The following DYNAP variants were observed in gnomAD, a reference collection of about 807,000 sequenced individuals.
DYNAP encodes the protein dynactin associated protein.
Under a neutral mutation model 8.5 loss-of-function variants are expected in DYNAP, and 7 were observed. The ratio of observed to expected loss-of-function variants is 0.82; its 90% confidence interval spans 0.47 to 1.54. DYNAP has a LOEUF of 1.54. Ranked by LOEUF, DYNAP falls within the 40% of genes most tolerant of loss-of-function variation. DYNAP has a pLI of 0.01. For synonymous variants in DYNAP, 77 were observed against 77.9 expected, an observed-to-expected ratio of 0.99 and a Z score of 0.06; for missense variants, 256 against 224.3, an observed-to-expected ratio of 1.14 and a Z score of -0.90.
At chr18:54,594,197 A>G (rs1034452148) in intron 1 of DYNAP, among the ~76,000 whole-genome samples, 3 of 151,964 alleles carry the variant, frequency 2.0e-5, no homozygotes, top group African/African-American at 7.3e-5. Flanking sequence ...GAGAGTGGAG[A>G]CCTGTATTGT....
chr18:54,590,924 T>G (rs1187573134), upstream of DYNAP, among the ~76,000 whole-genome samples: 1 of 152,078 alleles, frequency 6.6e-6, no homozygotes, highest in Non-Finnish European at 1.5e-5. Context: ...AATGATACAT[T>G]TCTATCTCAG....
At chr18:54,597,094 C>T (rs1206338140) in intron 2 of DYNAP, among the ~76,000 whole-genome samples, 1 of 152,032 alleles carries the variant, frequency 6.6e-6, no homozygotes, top group African/African-American at 2.4e-5. Flanking sequence ...ACTCCAAAGC[C>T]CTTGTTTCTA....
upstream of DYNAP, among the ~76,000 whole-genome samples, chr18:54,583,338 C>A (rs964548939): frequency 2.0e-5 from 3 of 152,164 alleles, no homozygotes; most frequent in African/African-American, 7.2e-5. Context: ...TCTGTTGAAG[C>A]TTGTGTATGT....
rs150050716 is a variant in DYNAP, at chr18:54,593,320, G to A, written c.58-1619G>A. Among the ~76,000 whole-genome samples, 232 of 152,166 alleles carry A rather than the reference G, an allele frequency of 1.5e-3. 2 individuals are homozygous for A. The highest frequency in any genetic ancestry group is 2.8e-3 in the Admixed American group (43 of 15,260). On this transcript the variant is annotated intron_variant, in intron 1 of 2. Transcript: ENST00000648945. Reference sequence around the variant, plus strand: ...TGGCCAGTAATTTCTATAACTATTAGTAATGGGTTATTAAATCAACACAAA... The same window carrying A: ...TGGCCAGTAATTTCTATAACTATTAATAATGGGTTATTAAATCAACACAAA...
chr18:54,591,251 G>A lies in DYNAP; in HGVS notation c.-32G>A, dbSNP rs372257198. 7.9e-5 allele frequency: 127 copies of A among 1,612,492 alleles called. 2 individuals carry two copies. In the South Asian group the frequency reaches 1.2e-3, roughly 15 times the overall value. ...AATGAACAAATTGAAAAATATTCTT[G>A]GAGAGAAGCTTGTGATACTGGCAGC... On this transcript the variant is annotated 5_prime_UTR_variant, in exon 1 of 3. Transcript: ENST00000648945.
the DYNAP span, among the ~76,000 whole-genome samples, chr18:54,580,657 C>A: frequency 2.0e-5 from 3 of 152,216 alleles, no homozygotes; most frequent in Non-Finnish European, 2.9e-5. Flanking sequence ...TTATCTTTGA[C>A]TATTTCCATA....
At chr18:54,597,299 C>T (rs1384591657) in intron 2 of DYNAP, among the ~76,000 whole-genome samples, 2 of 151,982 alleles carry the variant, frequency 1.3e-5, no homozygotes, top group African/African-American at 4.8e-5. Flanking sequence ...GACTGCTCTG[C>T]ATGATACTGT....
intron 1 of DYNAP, among the ~76,000 whole-genome samples, chr18:54,593,199 A>G (rs1284980233): frequency 6.6e-6 from 1 of 152,106 alleles, no homozygotes; most frequent in Non-Finnish European, 1.5e-5. Context: ...ATTTAATGAC[A>G]ATTTTATATT....
At chr18:54,580,409 A>G in the DYNAP span, among the ~76,000 whole-genome samples, 1 of 152,220 alleles carries the variant, frequency 6.6e-6, no homozygotes, top group African/African-American at 2.4e-5. Context: ...TGCCACTATT[A>G]TCGTGTCAAA....
At position 54,597,891 on chromosome 18, in the gene DYNAP, G is replaced by A. The variant is rs746495067; in HGVS notation, c.301G>A (p.Ala101Thr). Reference sequence around the variant, plus strand: ...TCTCTTAGCCTGTGTGATAATGACAGCAATTGGAGTACTTATAATATGCTT... The same window carrying A: ...TCTCTTAGCCTGTGTGATAATGACAACAATTGGAGTACTTATAATATGCTT... ...ACLLACVIMTAIGVLIICLVN... is the reference protein window; with the variant it reads ...ACLLACVIMTTIGVLIICLVN... Residue 101 changes from alanine to threonine, a missense_variant, in exon 3 of 3, where the codon GCA becomes ACA. Ala to Thr is a moderately conservative substitution (Grantham distance 58). Coordinates refer to ENST00000648945, the MANE Select transcript of DYNAP (RefSeq NM_173629.3). 3 of 1,613,600 alleles carry A rather than the reference G, an allele frequency of 1.9e-6. No homozygotes were observed. The highest frequency in any genetic ancestry group is 2.5e-6 in the Non-Finnish European group (3 of 1,179,712).
chr18:54,580,857 T>G, the DYNAP span, among the ~76,000 whole-genome samples: 7 of 152,326 alleles, frequency 4.6e-5, no homozygotes, highest in East Asian at 1.3e-3. Flanking sequence ...TTTATTAGAA[T>G]TGTTATTTTA....
upstream of DYNAP, chr18:54,587,725 G>GA (rs1910928805): frequency 5.1e-6 from 2 of 395,820 alleles, no homozygotes; most frequent in Non-Finnish European, 9.0e-6. Flanking sequence ...ATATTCTGAA[G>GA]AAAAAATAGT....
At chr18:54,588,428 C>T (rs546664538), upstream of DYNAP, among the ~76,000 whole-genome samples, 100 of 152,200 alleles carry the variant, frequency 6.6e-4, 3 homozygotes, top group East Asian at 1.4e-3. Context: ...TGATCTTGAA[C>T]TCCTGACCTC....
At chr18:54,581,208 G>A in the DYNAP span, among the ~76,000 whole-genome samples, 1 of 152,086 alleles carries the variant, frequency 6.6e-6, no homozygotes, top group South Asian at 2.1e-4. Context: ...TTGCTGTTTA[G>A]CACCACAGTT....
chr18:54,596,408 C>T (rs1418153118), intron 2 of DYNAP, among the ~76,000 whole-genome samples: 5 of 152,098 alleles, frequency 3.3e-5, no homozygotes, highest in Non-Finnish European at 5.9e-5. Flanking sequence ...ATATTAGAAT[C>T]ACCTGGGGAC....
the DYNAP span, among the ~76,000 whole-genome samples, chr18:54,580,380 T>C: frequency 1.3e-5 from 2 of 152,250 alleles, no homozygotes; most frequent in African/African-American, 4.8e-5. Context: ...AATGTAGCTA[T>C]CACGATGTCT....
intron 2 of DYNAP, among the ~76,000 whole-genome samples, chr18:54,596,500 A>G (rs1299043030): frequency 2.0e-5 from 3 of 152,106 alleles, no homozygotes; most frequent in African/African-American, 7.2e-5. Context: ...CCATACAACA[A>G]TGGTTTTTAA....
In DYNAP at chr18:54,599,172, G is replaced by A. The variant is rs1261005037; in HGVS notation, c.*1027G>A. Reference sequence around the variant, plus strand: ...TGGACACATGTTCTCAGGACCTCCTGAGGGCTATGTCATGAGCCATGGTCA... The same window carrying A: ...TGGACACATGTTCTCAGGACCTCCTAAGGGCTATGTCATGAGCCATGGTCA... On this transcript the variant is annotated 3_prime_UTR_variant, in exon 3 of 3. Transcript: ENST00000648945. The A allele has an allele frequency of 6.6e-6, 1 of 152,090 alleles. No homozygotes were observed. Among genetic ancestry groups the A allele is most frequent in the East Asian group, 1.9e-4 (1 of 5,196 alleles). 9.4% of individuals were successfully genotyped at this position (152,090 alleles called of 1,614,324 possible).
rs370839815 is a variant in DYNAP, at chr18:54,597,829, G to A, written c.239G>A (p.Arg80His). 1.6e-5 allele frequency: 25 copies of A among 1,605,796 alleles called. No homozygotes were observed. The highest frequency in any genetic ancestry group is 3.4e-5 in the Admixed American group (2 of 59,682). Residue 80 changes from arginine (R) to histidine (H), a missense_variant, in exon 3 of 3, where the codon CGC (arginine) becomes CAC (histidine). Arg to His is a conservative substitution (Grantham distance 29, BLOSUM62 0). Coordinates refer to ENST00000648945, the MANE Select transcript of DYNAP (RefSeq NM_173629.3). ...CATGCTTAGGTAAAAGAATATTGCC[G>A]CAATGACTGGTCTATGTGGAAAGTC... ...SCNTQVKEYC[R>H]NDWSMWKVFL... is the part of the protein sequence containing the mutation.
Sources: allele counts gnomAD v4.1 joint callset (sites outside exome capture counted in the v4.1 genomes callset), GRCh38; gene constraint gnomAD v4.1.1; transcripts MANE v1.5; gene names NCBI Gene and HGNC (gene_info 2026-07-23, HGNC 2026-07-21).